Variants in SORL1-AS1 observed in about 807,000 individuals in gnomAD.
SORL1-AS1 encodes the protein SORL1 antisense RNA 1, also known as lncRNA 51 A.
downstream of SORL1-AS1, among the ~76,000 whole-genome samples, chr11:121,443,656 C>A (rs1374068536): frequency 6.6e-6 from 1 of 152,194 alleles, no homozygotes; most frequent in Non-Finnish European, 1.5e-5. Flanking sequence ...GTGTGATTGG[C>A]ACTTGAAGCA....
At chr11:121,445,693 A>G (rs945864710), downstream of SORL1-AS1, among the ~76,000 whole-genome samples, 2 of 151,848 alleles carry the variant, frequency 1.3e-5, no homozygotes, top group African/African-American at 4.8e-5. Flanking sequence ...CACACACCTG[A>G]AACCACAGCT....
the SORL1-AS1 span, among the ~76,000 whole-genome samples, chr11:121,439,809 CA>C: frequency 3.3e-5 from 5 of 152,206 alleles, no homozygotes; most frequent in African/African-American, 1.2e-4. Context: ...CTCATTTCTT[CA>C]ACTTTTGCAT....
chr11:121,447,961 G>A (rs576204519), exon 2 of SORL1-AS1: 2 of 152,162 alleles, frequency 1.3e-5, no homozygotes, highest in African/African-American at 4.8e-5. Flanking sequence ...CCTAAGAGAG[G>A]TATCAGATGT....
chr11:121,449,209 T>G (rs1860759636), exon 2 of SORL1-AS1: 1 of 152,218 alleles, frequency 6.6e-6, no homozygotes, highest in Non-Finnish European at 1.5e-5. Flanking sequence ...GAGTCTATCA[T>G]TACATTTCCG....
intron 1 of SORL1-AS1, among the ~76,000 whole-genome samples, chr11:121,451,033 G>A (rs1013373130): frequency 1.3e-5 from 2 of 152,118 alleles, no homozygotes; most frequent in African/African-American, 2.4e-5. Flanking sequence ...GTGGCTTGTC[G>A]GAGATGAGGA....
At chr11:121,449,260 C>A (rs192518320) in exon 2 of SORL1-AS1, 6 of 152,336 alleles carry the variant, frequency 3.9e-5, no homozygotes, top group Non-Finnish European at 8.8e-5. Flanking sequence ...AGCATCCGAG[C>A]AAGGCCATGC....
intron 1 of SORL1-AS1, chr11:121,449,963 A>G (rs1412663728): frequency 6.6e-6 from 1 of 152,250 alleles, no homozygotes; most frequent in African/African-American, 2.4e-5. Flanking sequence ...TTAATTAACC[A>G]TGTTTGAATA....
chr11:121,438,587 T>A, the SORL1-AS1 span, among the ~76,000 whole-genome samples: 1 of 151,892 alleles, frequency 6.6e-6, no homozygotes, highest in Non-Finnish European at 1.5e-5. Context: ...TTTAACATAA[T>A]ATTGTTGAGA....
At chr11:121,438,238 C>A in the SORL1-AS1 span, among the ~76,000 whole-genome samples, 1 of 152,142 alleles carries the variant, frequency 6.6e-6, no homozygotes, top group Non-Finnish European at 1.5e-5. Context: ...ATTAGTCTAG[C>A]TTAAATACTT....
chr11:121,448,032 G>A (rs1565295153), exon 2 of SORL1-AS1: 1 of 152,198 alleles, frequency 6.6e-6, no homozygotes, highest in Non-Finnish European at 1.5e-5. Context: ...TAGCAAGCCT[G>A]TTTAACTTTA....
chr11:121,451,001 CCGGGG>C (rs1410869689), intron 1 of SORL1-AS1, among the ~76,000 whole-genome samples: 2 of 152,056 alleles, frequency 1.3e-5, no homozygotes, highest in Non-Finnish European at 2.9e-5. Flanking sequence ...CTAGAGTGGG[CCGGGG>C]TAGGAATCGG....
the SORL1-AS1 span, among the ~76,000 whole-genome samples, chr11:121,439,515 A>G: frequency 6.6e-6 from 1 of 152,002 alleles, no homozygotes; most frequent in East Asian, 1.9e-4. Context: ...TTGGAGCCAG[A>G]CACCCAAGGG....
chr11:121,442,248 C>T, the SORL1-AS1 span, among the ~76,000 whole-genome samples: 3 of 152,136 alleles, frequency 2.0e-5, no homozygotes, highest in Admixed American at 6.5e-5. Flanking sequence ...GATGCAGATG[C>T]GACATTCCAG....
rs568952248 is a variant in SORL1-AS1, at chr11:121,452,181, G to T, written n.339+494C>A. The stretch of plus-strand genomic sequence containing the variant: ...GAACCGAGCGGGACCTGGCGGCAGC[G>T]GCGGCGGGCGCAGCGGGGCGGCCCG... On this transcript the variant is annotated intron_variant and non_coding_transcript_variant, in intron 1 of 1. Coordinates refer to ENST00000501964, the Ensembl canonical transcript of SORL1-AS1. The surrounding 1 kb of genome is among the most constrained non-coding windows in gnomAD (Gnocchi z 5.3). The T allele has an allele frequency of 4.7e-5, 12 of 254,042 alleles. No individual in the cohort carries two copies. The highest frequency in any genetic ancestry group is 6.2e-5 in the Non-Finnish European group (10 of 162,314). The allele number at this position is 254,042 out of a possible 1,614,324, so 15.7% of individuals were successfully genotyped here.
chr11:121,452,610 C>A lies in SORL1-AS1; in HGVS notation n.339+65G>T. 1 of 1,497,044 alleles carries A rather than the reference C, an allele frequency of 6.7e-7. No individual in the cohort carries two copies. The highest frequency in any genetic ancestry group is 1.3e-5 in the South Asian group (1 of 79,702). The allele number at this position is 1,497,044 out of a possible 1,614,324, so 92.7% of individuals were successfully genotyped here. Reference sequence around the variant, plus strand: ...TGCAGCCCGAGCCCATCAAGGTGTACGGACAGGTGAGCAGTTTTGCAACCC... The same window carrying A: ...TGCAGCCCGAGCCCATCAAGGTGTAAGGACAGGTGAGCAGTTTTGCAACCC... On this transcript the variant is annotated intron_variant and non_coding_transcript_variant, in intron 1 of 1. Transcript: ENST00000501964. The surrounding 1 kb of genome is among the most constrained non-coding windows in gnomAD (Gnocchi z 5.3).
Position 121,452,728 on chromosome 11 carries a change from T to C in SORL1-AS1, n.286A>G. 1 of 955,644 alleles carries C rather than the reference T, an allele frequency of 1.0e-6. No individual in the cohort carries two copies. Among genetic ancestry groups the C allele is most frequent in the Non-Finnish European group, 1.4e-6 (1 of 698,014 alleles). 59.2% of individuals were successfully genotyped at this position (955,644 alleles called of 1,614,324 possible). On this transcript the variant is annotated non_coding_transcript_exon_variant, in exon 1 of 2. Transcript: ENST00000501964. The surrounding 1 kb of genome is among the most constrained non-coding windows in gnomAD (Gnocchi z 5.3). ...CTAGGTGCAGGCACCACTGGGGACT[T>C]CCCGGCTTGCATTTGTTTTTTTCCT...
the SORL1-AS1 span, among the ~76,000 whole-genome samples, chr11:121,439,166 G>T: frequency 3.4e-4 from 51 of 152,150 alleles, no homozygotes; most frequent in East Asian, 8.1e-3. Flanking sequence ...TTTCCAAATG[G>T]CTCTACCATT....
At chr11:121,442,690 T>TTTA (rs1565293499), downstream of SORL1-AS1, among the ~76,000 whole-genome samples, 1 of 147,068 alleles carries the variant, frequency 6.8e-6, no homozygotes. Flanking sequence ...TATTTATTTA[T>TTTA]TTTTTTGAGA....
intron 1 of SORL1-AS1, among the ~76,000 whole-genome samples, chr11:121,451,377 G>C (rs540803184): frequency 8.8e-4 from 134 of 152,322 alleles, no homozygotes; most frequent in Non-Finnish European, 1.6e-3. Context: ...CTCCTCTGTG[G>C]GTGTTTGCCT....
Sources: gnomAD v4.1 joint callset for allele counts (sites outside exome capture counted in the v4.1 genomes callset) on GRCh38, gnomAD v4.1.1 for gene constraint, Gnocchi (gnomAD v3.1) non-coding constraint, MANE v1.5 for transcripts, NCBI Gene and HGNC (gene_info 2026-07-23, HGNC 2026-07-21) for gene names.